The following PMFBP1 variants were observed in gnomAD, a reference collection of about 807,000 sequenced individuals.
PMFBP1 encodes polyamine modulated factor 1 binding protein 1, also known as polyamine-modulated factor 1-binding protein 1.
A neutral mutation model predicts 137.8 loss-of-function variants in PMFBP1; 131 were observed. The ratio of observed to expected loss-of-function variants is 0.95; its 90% CI spans 0.82 to 1.10. PMFBP1 has a LOEUF of 1.10. Ranked by LOEUF, PMFBP1 falls within the 50% of genes least tolerant of loss-of-function variation. The probability of loss-of-function intolerance (pLI) is 0.00; values close to 1 mark genes in which losing one functional copy is unlikely to be tolerated. For missense variants in PMFBP1, 1,199 were observed against 1,175.4 expected (o/e 1.02, Z -0.29); for synonymous variants, 490 against 450.4 (o/e 1.09, Z -1.11).
the PMFBP1 span, among the ~76,000 whole-genome samples, chr16:72,236,295 AT>A: frequency 6.6e-6 from 1 of 152,148 alleles, no homozygotes; most frequent in African/African-American, 2.4e-5. Context: ...AGGAAGGCAG[AT>A]CATGTACTTA....
At chr16:72,119,613 G>T in intron 20 of PMFBP1, 11 of 1,443,972 alleles carry the variant, frequency 7.6e-6, no homozygotes, top group Non-Finnish European at 9.9e-6. Context: ...TGGGTCAGGG[G>T]AGGGGGCAGG....
At chr16:72,203,531 G>C in the PMFBP1 span, among the ~76,000 whole-genome samples, 1 of 152,240 alleles carries the variant, frequency 6.6e-6, no homozygotes, top group Non-Finnish European at 1.5e-5. Flanking sequence ...AAATGTGGAA[G>C]GGGAAGTGAG....
At chr16:72,224,959 A>C in the PMFBP1 span, 1 of 152,184 alleles carries the variant, frequency 6.6e-6, no homozygotes, top group African/African-American at 2.4e-5. Context: ...CTAACAATAA[A>C]ATTTATGTGT....
chr16:72,234,609 CCA>C, the PMFBP1 span, among the ~76,000 whole-genome samples: 1 of 152,272 alleles, frequency 6.6e-6, no homozygotes, highest in Non-Finnish European at 1.5e-5. Flanking sequence ...GGGAATTTCC[CCA>C]GTGTCACATG....
intron 15 of PMFBP1, 24 bp from the exon 16 acceptor site, chr16:72,125,429 G>A (rs759594280): frequency 1.1e-5 from 17 of 1,604,386 alleles, no homozygotes; most frequent in Non-Finnish European, 1.4e-5. Context: ...CAAAGAGGAC[G>A]AATGGCTGTC....
the PMFBP1 span, among the ~76,000 whole-genome samples, chr16:72,243,334 C>T: frequency 6.6e-6 from 1 of 152,212 alleles, no homozygotes; most frequent in Non-Finnish European, 1.5e-5. Context: ...CACGTGGATG[C>T]TGCAGCACTT....
the PMFBP1 span, among the ~76,000 whole-genome samples, chr16:72,222,995 T>A: frequency 0.1 from 15,780 of 152,172 alleles, 855 homozygotes; most frequent in African/African-American, 0.14. Context: ...GAGTGAATAA[T>A]CTTGGGTATT....
intron 17 of PMFBP1, among the ~76,000 whole-genome samples, chr16:72,124,104 C>G (rs1597458780): frequency 3.3e-5 from 5 of 152,244 alleles, no homozygotes; most frequent in South Asian, 2.1e-4. Context: ...AACCTCCCCC[C>G]CGGCTCAAGC....
chr16:72,150,437 T>C (rs1211965543), intron 5 of PMFBP1, among the ~76,000 whole-genome samples, 171 bp downstream of exon 5: 3 of 152,174 alleles, frequency 2.0e-5, no homozygotes, highest in Non-Finnish European at 4.4e-5. Flanking sequence ...AGTGATCTTA[T>C]AGGATATGTG....
the PMFBP1 span, among the ~76,000 whole-genome samples, chr16:72,242,572 A>G: frequency 2.0e-5 from 3 of 152,262 alleles, no homozygotes; most frequent in Middle Eastern, 0.01. Flanking sequence ...GAAATTGTCA[A>G]GTTTTCAGGG....
At chr16:72,219,516 T>G in the PMFBP1 span, among the ~76,000 whole-genome samples, 1 of 151,360 alleles carries the variant, frequency 6.6e-6, no homozygotes, top group East Asian at 1.9e-4. Flanking sequence ...GGCAGAAGAC[T>G]GATGTCTGGT....
chr16:72,144,029 G>A (rs972633930), intron 5 of PMFBP1, among the ~76,000 whole-genome samples: 7 of 151,220 alleles, frequency 4.6e-5, no homozygotes, highest in Admixed American at 2.6e-4. Flanking sequence ...CAACAAGAGC[G>A]AAACTCCATC....
At chr16:72,135,947 G>A (rs891841648) in intron 9 of PMFBP1, among the ~76,000 whole-genome samples, 1 of 150,958 alleles carries the variant, frequency 6.6e-6, no homozygotes, top group Non-Finnish European at 1.5e-5. Context: ...TAGAGACGGG[G>A]TTTCATCATG....
At chr16:72,135,658 G>T (rs2042616364) in intron 9 of PMFBP1, among the ~76,000 whole-genome samples, 1 of 149,854 alleles carries the variant, frequency 6.7e-6, no homozygotes, top group Admixed American at 6.7e-5. Context: ...TATGTTGGCA[G>T]TAACAGTTCT....
chr16:72,130,705 A>C lies in PMFBP1; in HGVS notation c.1465T>G (p.Cys489Gly). ...ERLAAQQAAQ[C>G]KEEAALAGCH... ...CCTGCCAGTGCAGCCTCTTCTTTGC[A>C]CTGGGCTGCTTGCTGAGCTGCAGAA... is the stretch of plus-strand genomic sequence containing the variant. Residue 489 changes from cysteine to glycine, a missense_variant, in exon 11 of 21, where the codon TGC (cysteine) becomes GGC (glycine). Transcript: ENST00000237353. 6.2e-7 allele frequency: 1 copy of C among 1,612,500 alleles called. No individual in the cohort carries two copies. The highest frequency in any genetic ancestry group is 8.5e-7 in the Non-Finnish European group (1 of 1,179,836).
intron 3 of PMFBP1, among the ~76,000 whole-genome samples, chr16:72,156,728 T>C (rs1457071709): frequency 1.3e-5 from 2 of 152,148 alleles, no homozygotes; most frequent in African/African-American, 2.4e-5. Flanking sequence ...GATATTTGGG[T>C]TGTTTCAGTT....
chr16:72,230,315 G>C, the PMFBP1 span, among the ~76,000 whole-genome samples: 2 of 152,182 alleles, frequency 1.3e-5, no homozygotes, highest in African/African-American at 4.8e-5. Context: ...ATGGAAGATA[G>C]AGAAATCACA....
chr16:72,240,623 T>C, the PMFBP1 span, among the ~76,000 whole-genome samples: 3 of 152,228 alleles, frequency 2.0e-5, no homozygotes, highest in African/African-American at 4.8e-5. Context: ...GCTTGAATCA[T>C]GGTGCAGCCA....
intron 2 of PMFBP1, among the ~76,000 whole-genome samples, chr16:72,167,906 T>C (rs2043168344): frequency 6.6e-6 from 1 of 152,186 alleles, no homozygotes; most frequent in Admixed American, 6.5e-5. Context: ...AAATTAAAAG[T>C]TAAGTGCTCT....
Sources: gnomAD v4.1 joint callset for allele counts (sites outside exome capture counted in the v4.1 genomes callset) on GRCh38, gnomAD v4.1.1 for gene constraint, MANE v1.5 for transcripts, NCBI Gene and HGNC (gene_info 2026-07-23, HGNC 2026-07-21) for gene names.